The following SYTL5 variants were observed in gnomAD, a reference collection of about 807,000 sequenced individuals.
SYTL5 encodes synaptotagmin like 5.
SYTL5 carries 34 observed loss-of-function variants against 55.9 expected under a neutral mutation model. The observed-to-expected ratio is 0.61, with a 90% confidence interval of 0.46 to 0.81. The LOEUF (loss-of-function observed/expected upper bound fraction) is 0.81. SYTL5 is among the 30% of genes least tolerant of loss of function. The probability of loss-of-function intolerance (pLI) is 0.00; values close to 1 mark genes in which losing one functional copy is unlikely to be tolerated. For missense variants in SYTL5, 637 were observed against 546.7 expected (o/e 1.17, Z -1.65); for synonymous variants, 221 against 188.7 (o/e 1.17, Z -1.40).
At chrX:38,055,087 C>T (rs1394196511) in intron 3 of SYTL5, among the ~76,000 whole-genome samples, 1 of 111,688 alleles carries the variant, frequency 9.0e-6, no homozygotes, top group Admixed American at 9.5e-5. Context: ...CACGTGGCTC[C>T]TCAGAGGGCA....
Position 38,076,523 on chromosome X carries a change from G to T in SYTL5, c.555-44G>T, listed in dbSNP as rs5917525. On this transcript the variant is annotated intron_variant, in intron 5 of 16. Coordinates refer to ENST00000297875, the MANE Select transcript of SYTL5 (RefSeq NM_138780.3). ...TATTCTTGAAATGATATTTTTAAAT[G>T]CTTTCTTTCTTATCTAATTTTAAAT... is the stretch of plus-strand genomic sequence containing the variant. 96,678 of 960,336 alleles carry T rather than the reference G, an allele frequency of 0.1. 4,199 individuals are homozygous for T. The highest frequency in any genetic ancestry group is 0.12 in the Non-Finnish European group (84,258 of 708,085). 79.1% of individuals were successfully genotyped at this position (960,336 alleles called of 1,213,427 possible). A position where few individuals can be genotyped will look rare whatever the true frequency, so the allele number is the denominator to read the frequency against.
chrX:38,123,250 A>G (rs940620842), intron 15 of SYTL5, among the ~76,000 whole-genome samples: 14 of 111,858 alleles, frequency 1.3e-4, no homozygotes, highest in African/African-American at 4.2e-4. Flanking sequence ...AGTGATTCTC[A>G]TATCTCAGTC....
chrX:37,997,675 AT>A, the SYTL5 span, among the ~76,000 whole-genome samples: 3 of 112,281 alleles, frequency 2.7e-5, no homozygotes, highest in Non-Finnish European at 5.6e-5. Context: ...GCCTGCAGAT[AT>A]CCCCTGGCAC....
At chrX:37,995,090 A>C in the SYTL5 span, among the ~76,000 whole-genome samples, 1 of 109,206 alleles carries the variant, frequency 9.2e-6, no homozygotes, top group African/African-American at 3.4e-5. Flanking sequence ...CCCTGTGGGG[A>C]GGAACTGGCT....
chrX:38,014,235 T>G (rs190373280), intron 1 of SYTL5, among the ~76,000 whole-genome samples: 141 of 111,983 alleles, frequency 1.3e-3, no homozygotes, highest in Middle Eastern at 9.2e-3. Context: ...ATAATATTGT[T>G]GTGTGTGTAC....
chrX:38,126,719 T>C lies in SYTL5; in HGVS notation c.2182T>C (p.Cys728Arg), dbSNP rs776441662. 1.7e-6 allele frequency: 2 copies of C among 1,206,457 alleles called. No homozygotes were observed. Among genetic ancestry groups the C allele is most frequent in the Non-Finnish European group, 2.2e-6 (2 of 893,872 alleles). ...CATGCTTCGTTCCAGCATGGGAAAA[T>C]GTAGGCTCTAAAGGGACCAGTTCTC... Reference protein sequence around the residue: ...VLMLRSSMGKCRL With the variant: ...VLMLRSSMGKRRL Residue 728 changes from cysteine to arginine, a missense_variant, in exon 17 of 17, where the codon TGT becomes CGT. Coordinates refer to ENST00000297875, the MANE Select transcript of SYTL5 (RefSeq NM_138780.3).
chrX:37,908,052 A>G, the SYTL5 span, among the ~76,000 whole-genome samples: 1 of 108,735 alleles, frequency 9.2e-6, no homozygotes, highest in Admixed American at 9.8e-5. Flanking sequence ...AGGATTTTAA[A>G]GCTGCAGTGA....
At chrX:38,107,544 T>C (rs1260810023) in intron 11 of SYTL5, among the ~76,000 whole-genome samples, 1 of 111,919 alleles carries the variant, frequency 8.9e-6, no homozygotes, top group East Asian at 2.8e-4. Flanking sequence ...ATATTGTTTG[T>C]ACAAACAATT....
the SYTL5 span, among the ~76,000 whole-genome samples, chrX:37,926,701 A>G: frequency 9.0e-6 from 1 of 111,416 alleles, no homozygotes; most frequent in Admixed American, 9.6e-5. Context: ...TTTTTAAAAA[A>G]TTTTCATGTG....
intron 15 of SYTL5, among the ~76,000 whole-genome samples, chrX:38,123,280 C>G (rs1200909075): frequency 9.0e-6 from 1 of 111,568 alleles, no homozygotes; most frequent in African/African-American, 3.3e-5. Context: ...GCTGGGATTA[C>G]AGGTATTTTT....
intron 10 of SYTL5, among the ~76,000 whole-genome samples, chrX:38,104,408 G>A (rs1187223784): frequency 1.8e-5 from 2 of 111,799 alleles, no homozygotes; most frequent in Non-Finnish European, 3.8e-5. Context: ...GTTTAAAAAG[G>A]TATCTGGGTG....
the SYTL5 span, among the ~76,000 whole-genome samples, chrX:37,902,934 A>G: frequency 8.9e-6 from 1 of 112,383 alleles, no homozygotes; most frequent in African/African-American, 3.2e-5. Context: ...ATGCAGCCAA[A>G]AAACACACGA....
intron 16 of SYTL5, 98 bp downstream of exon 16, chrX:38,125,604 T>C (rs1937628119): frequency 1.6e-6 from 1 of 607,818 alleles, no homozygotes; most frequent in African/African-American, 2.2e-5. Flanking sequence ...ATATATATAG[T>C]TTCAGCTAAA....
At chrX:38,088,002 A>G (rs1936697891) in intron 6 of SYTL5, among the ~76,000 whole-genome samples, 1 of 111,732 alleles carries the variant, frequency 8.9e-6, no homozygotes, top group Non-Finnish European at 1.9e-5. Flanking sequence ...ATTCTAAAAC[A>G]TATTTTACAA....
Position 38,033,851 on chromosome X carries a change from G to A in SYTL5, c.-39G>A. On this transcript the variant is annotated 5_prime_UTR_variant, in exon 2 of 17. Transcript: ENST00000297875. ...GTAGATATCAATTCACCTTCTTGAA[G>A]ATTCAACCACTGCTACTCAGAGCTG... The A allele has an allele frequency of 3.8e-6, 3 of 792,211 alleles. No homozygotes were observed. Among genetic ancestry groups the A allele is most frequent in the Non-Finnish European group, 5.6e-6 (3 of 538,918 alleles). 65.3% of individuals were successfully genotyped at this position (792,211 alleles called of 1,213,427 possible).
chrX:37,942,315 T>C, the SYTL5 span, among the ~76,000 whole-genome samples: 15 of 112,168 alleles, frequency 1.3e-4, no homozygotes, highest in African/African-American at 4.9e-4. Flanking sequence ...AAATGAGTCA[T>C]GTCAAGTATT....
the SYTL5 span, among the ~76,000 whole-genome samples, chrX:37,893,261 A>G: frequency 1.2e-5 from 1 of 82,870 alleles, no homozygotes; most frequent in Non-Finnish European, 2.1e-5. Flanking sequence ...TATATAACAT[A>G]CCACAATCTA....
chrX:38,014,595 C>T (rs902926429), intron 1 of SYTL5, among the ~76,000 whole-genome samples: 3 of 111,689 alleles, frequency 2.7e-5, no homozygotes, highest in African/African-American at 9.8e-5. Flanking sequence ...TGGTTTTATA[C>T]ATTTTAGGGA....
chrX:38,025,342 A>G (rs1256487987), intron 1 of SYTL5, among the ~76,000 whole-genome samples: 2 of 112,474 alleles, frequency 1.8e-5, no homozygotes, highest in Non-Finnish European at 3.8e-5. Context: ...ATATTCAGAT[A>G]TACCCTTTCC....
Sources: allele counts gnomAD v4.1 joint callset (sites outside exome capture counted in the v4.1 genomes callset), GRCh38; gene constraint gnomAD v4.1.1; transcripts MANE v1.5; gene names NCBI Gene and HGNC (gene_info 2026-07-23, HGNC 2026-07-21).